The following FOXA1 variants were observed in gnomAD, a reference collection of about 807,000 sequenced individuals.
FOXA1 encodes the protein hepatocyte nuclear factor 3-alpha.
In FOXA1, 9 loss-of-function variants were observed where a neutral mutation model predicts 29.2. That is an observed-to-expected ratio of 0.31 (90% CI 0.19 to 0.54). The LOEUF is 0.54. Among genes scored for constraint, FOXA1 ranks in the 20% least tolerant of loss-of-function variants. FOXA1 has a pLI of 0.95. For synonymous variants in FOXA1, 340 were observed against 300.9 expected, an observed-to-expected ratio of 1.13 and a Z score of -1.34; for missense variants, 644 against 681.2, an observed-to-expected ratio of 0.95 and a Z score of 0.61.
In FOXA1 at chr14:37,594,125, C is replaced by T. The variant is rs1004708458; in HGVS notation, c.72+776G>A. 2.3e-6 allele frequency: 3 copies of T among 1,287,284 alleles called. No individual in the cohort carries two copies. The African/African-American group carries it at 4.6e-5, about 20-fold the overall frequency. The allele number at this position is 1,287,284 out of a possible 1,614,324, so 79.7% of individuals were successfully genotyped here. On this transcript the variant is annotated intron_variant, in intron 1 of 1. Transcript: ENST00000250448. The stretch of plus-strand genomic sequence containing the variant: ...CTTCCCAAGATTATCCAAGGCAGTT[C>T]CAATACGCGTTTTCAATAATGGTAA...
chr14:37,592,850 T>C (rs2139184565), intron 1 of FOXA1, 139 bp from the exon 2 acceptor site: 1 of 998,680 alleles, frequency 1.0e-6, no homozygotes, highest in Non-Finnish European at 1.5e-6. Context: ...CCGGGGCAAA[T>C]GGCTAAGCGC....
intron 1 of FOXA1, 62 bp downstream of exon 1, chr14:37,594,839 G>T: frequency 7.2e-7 from 1 of 1,397,126 alleles, no homozygotes. Context: ...CCGCTCCCCG[G>T]CCTCCCCCGG....
At position 37,591,336 on chromosome 14, in the gene FOXA1, A is replaced by G; in HGVS notation, c.*29T>C. On this transcript the variant is annotated 3_prime_UTR_variant, in exon 2 of 2. Coordinates refer to ENST00000250448, the MANE Select transcript of FOXA1 (RefSeq NM_004496.5). Reference sequence around the variant, plus strand: ...TTTCTCTCTTGCTACCAGCATGGCTATGCCAGACAAACCCCCCAGTCCCGG... The same window carrying G: ...TTTCTCTCTTGCTACCAGCATGGCTGTGCCAGACAAACCCCCCAGTCCCGG... 6.2e-7 allele frequency: 1 copy of G among 1,610,826 alleles called. No homozygotes were observed. Among genetic ancestry groups the G allele is most frequent in the Non-Finnish European group, 8.5e-7 (1 of 1,180,006 alleles).
chr14:37,590,669 AT>A lies in FOXA1; in HGVS notation c.*695del, dbSNP rs1232144415. 8.7e-6 allele frequency: 2 copies of A among 230,238 alleles called. No homozygotes were observed. The highest frequency in any genetic ancestry group is 1.7e-5 in the Non-Finnish European group (2 of 116,492). The allele number at this position is 230,238 out of a possible 1,614,324, so 14.3% of individuals were successfully genotyped here. On this transcript the variant is annotated 3_prime_UTR_variant, in exon 2 of 2. Coordinates refer to ENST00000250448, the MANE Select transcript of FOXA1 (RefSeq NM_004496.5). ...TCTATTACCTCTATATGTTATGTAA[AT>A]ATACGGAGGATGTCTACACATCTGA...
At chr14:37,593,434 TCAC>T (rs2095598246) in intron 1 of FOXA1, among the ~76,000 whole-genome samples, 1 of 152,180 alleles carries the variant, frequency 6.6e-6, no homozygotes, top group African/African-American at 2.4e-5. Flanking sequence ...ATTAATTTTG[TCAC>T]CACTTTACAG....
chr14:37,592,208 C>A lies in FOXA1; in HGVS notation c.576G>T (p.Thr192=), dbSNP rs2095596483. The part of the protein sequence containing the change: ...AIQQAPSKML[T]LSEIYQWIMD... The stretch of plus-strand genomic sequence containing the variant: ...TGATCCACTGGTAGATCTCGCTCAG[C>A]GTGAGCATCTTGCTGGGCGCCTGCT... Residue 192 remains threonine, a synonymous_variant, in exon 2 of 2, where the codon ACG becomes ACT. Coordinates refer to ENST00000250448, the MANE Select transcript of FOXA1 (RefSeq NM_004496.5). 2 of 1,613,532 alleles carry A rather than the reference C, an allele frequency of 1.2e-6. No homozygotes were observed. Among genetic ancestry groups the A allele is most frequent in the Non-Finnish European group, 1.7e-6 (2 of 1,179,764 alleles).
Position 37,590,091 on chromosome 14 carries a change from T to C in FOXA1, c.*1274A>G, listed in dbSNP as rs1441676127. 1.3e-5 allele frequency: 3 copies of C among 231,970 alleles called. No homozygotes were observed. Among genetic ancestry groups the C allele is most frequent in the Non-Finnish European group, 2.6e-5 (3 of 117,350 alleles). The allele number at this position is 231,970 out of a possible 1,614,324, so 14.4% of individuals were successfully genotyped here. The stretch of plus-strand genomic sequence containing the variant: ...TTTGTTATTTAAATCAAAATATTTT[T>C]AATTACAATCACATTGATAAAAATT... On this transcript the variant is annotated 3_prime_UTR_variant, in exon 2 of 2. Transcript: ENST00000250448.
At chr14:37,594,293 A>G (rs2095599514) in intron 1 of FOXA1, 4 of 1,193,290 alleles carry the variant, frequency 3.4e-6, no homozygotes, top group South Asian at 3.2e-5. Context: ...CAAGGGGACA[A>G]TGAAGAGAAA....
Position 37,591,153 on chromosome 14 carries a change from T to C in FOXA1, c.*212A>G, listed in dbSNP as rs1165366532. 2 of 684,664 alleles carry C rather than the reference T, an allele frequency of 2.9e-6. No individual in the cohort carries two copies. The highest frequency in any genetic ancestry group is 5.6e-5 in the East Asian group (2 of 35,754). 42.4% of individuals were successfully genotyped at this position (684,664 alleles called of 1,614,324 possible). On this transcript the variant is annotated 3_prime_UTR_variant, in exon 2 of 2. Coordinates refer to ENST00000250448, the MANE Select transcript of FOXA1 (RefSeq NM_004496.5). ...AAAAAAATTGGTTTGGGGTTGTCTT[T>C]GTAGTAATATACACAATGAATTTTG...
chr14:37,594,478 G>C (rs1238996801), intron 1 of FOXA1: 1 of 622,234 alleles, frequency 1.6e-6, no homozygotes, highest in African/African-American at 2.0e-5. Flanking sequence ...GCTTTAATCA[G>C]AAGACGTCTG....
In FOXA1 at chr14:37,592,859, G is replaced by T. The variant is rs906287611; in HGVS notation, c.73-148C>A. On this transcript the variant is annotated intron_variant, in intron 1 of 1. Coordinates refer to ENST00000250448, the MANE Select transcript of FOXA1 (RefSeq NM_004496.5). ...CCCCACCCGGGGCAAATGGCTAAGC[G>T]CCCTCCCCAGACCGAGCAAAGATGT... is the stretch of plus-strand genomic sequence containing the variant. 4.4e-6 allele frequency: 4 copies of T among 905,782 alleles called. No homozygotes were observed. The African/African-American group carries it at 6.5e-5, about 15-fold the overall frequency. The allele number at this position is 905,782 out of a possible 1,614,324, so 56.1% of individuals were successfully genotyped here. A position where few individuals can be genotyped will look rare whatever the true frequency, so the allele number is the denominator to read the frequency against.
chr14:37,594,710 G>C (rs2095600250), intron 1 of FOXA1, 191 bp downstream of exon 1: 1 of 273,790 alleles, frequency 3.7e-6, no homozygotes, highest in African/African-American at 2.3e-5. Context: ...GGACAGAGCA[G>C]GGCAGCAGGT....
Position 37,591,291 on chromosome 14 carries a change from G to A in FOXA1, c.*74C>T. On this transcript the variant is annotated 3_prime_UTR_variant, in exon 2 of 2. Coordinates refer to ENST00000250448, the MANE Select transcript of FOXA1 (RefSeq NM_004496.5). ...TGCTGTTGACGGTTTGGTTTGTGTG[G>A]TTTTGTTTGCTGTTGATTTTTTCTC... The A allele has an allele frequency of 6.3e-7, 1 of 1,575,188 alleles. No individual in the cohort carries two copies. Among genetic ancestry groups the A allele is most frequent in the Non-Finnish European group, 8.6e-7 (1 of 1,156,348 alleles).
rs1566823014 is a variant in FOXA1, at chr14:37,590,379, A to G, written c.*986T>C. ...TTTGAAATCCAGCTCCCTATAACTT[A>G]TCTCTCCTCCAACATTGTAATATTC... On this transcript the variant is annotated 3_prime_UTR_variant, in exon 2 of 2. Transcript: ENST00000250448. 1 of 230,850 alleles carries G rather than the reference A, an allele frequency of 4.3e-6. No homozygotes were observed. Among genetic ancestry groups the G allele is most frequent in the South Asian group, 1.8e-4 (1 of 5,512 alleles). 14.3% of individuals were successfully genotyped at this position (230,850 alleles called of 1,614,324 possible).
rs767665230 is a variant in FOXA1, at chr14:37,594,993, TA to T, written c.-22del. 10 of 1,529,958 alleles carry T rather than the reference TA, an allele frequency of 6.5e-6. No individual in the cohort carries two copies. The highest frequency in any genetic ancestry group is 8.9e-6 in the Non-Finnish European group (10 of 1,125,864). The allele number at this position is 1,529,958 out of a possible 1,614,324, so 94.8% of individuals were successfully genotyped here. ...AACATCCTGGAGCCACCCTGCCCAATACAACCATCCAGCCCTGTGCGAAGCG... is the reference window on the plus strand; with the variant it reads ...AACATCCTGGAGCCACCCTGCCCAATCAACCATCCAGCCCTGTGCGAAGCG... On this transcript the variant is annotated 5_prime_UTR_variant, in exon 1 of 2. Coordinates refer to ENST00000250448, the MANE Select transcript of FOXA1 (RefSeq NM_004496.5).
chr14:37,592,544 G>C lies in FOXA1; in HGVS notation c.240C>G (p.Gly80=), dbSNP rs1594977757. ...NPGLGAGLSP[G]AVAGMPGGSA... is the part of the protein sequence containing the mutation. ...AGCCCCCCGGCATGCCGGCTACTGCGCCGGGACTCAGGCCGGCCCCTAGGC... is the reference window on the plus strand; with the variant it reads ...AGCCCCCCGGCATGCCGGCTACTGCCCCGGGACTCAGGCCGGCCCCTAGGC... Residue 80 remains glycine (G), a synonymous_variant, in exon 2 of 2, where the codon GGC becomes GGG. Transcript: ENST00000250448. The C allele has an allele frequency of 6.2e-7, 1 of 1,613,800 alleles. No individual in the cohort carries two copies. The highest frequency in any genetic ancestry group is 8.5e-7 in the Non-Finnish European group (1 of 1,179,838).
At chr14:37,594,010 T>C in intron 1 of FOXA1, 1 of 1,126,728 alleles carries the variant, frequency 8.9e-7, no homozygotes, top group Non-Finnish European at 1.1e-6. Flanking sequence ...TCTAAATAAG[T>C]CAGTTACCAT....
chr14:37,590,297 C>A lies in FOXA1; in HGVS notation c.*1068G>T, dbSNP rs1375446511. The A allele has an allele frequency of 1.3e-5, 3 of 232,170 alleles. No individual in the cohort carries two copies. Among genetic ancestry groups the A allele is most frequent in the African/African-American group, 2.2e-5 (1 of 45,372 alleles). The allele number at this position is 232,170 out of a possible 1,614,324, so 14.4% of individuals were successfully genotyped here. A position where few individuals can be genotyped will look rare whatever the true frequency, so the allele number is the denominator to read the frequency against. ...CATAACACTGGATGAAACAAGCACA[C>A]GATGGCAATGATTAAAATGGCCACT... On this transcript the variant is annotated 3_prime_UTR_variant, in exon 2 of 2. Transcript: ENST00000250448.
At position 37,591,600 on chromosome 14, in the gene FOXA1, G is replaced by A; in HGVS notation, c.1184C>T (p.Ser395Phe). Residue 395 changes from serine (S) to phenylalanine (F), a missense_variant, in exon 2 of 2, where the codon TCC becomes TTC. Ser to Phe is a radical substitution (Grantham distance 155). Around this residue, in one of 5 missense-constraint regions of FOXA1, gnomAD observed 295 missense variants for 294.4 expected, o/e 1.00. Coordinates refer to ENST00000250448, the MANE Select transcript of FOXA1 (RefSeq NM_004496.5). ...QLHLKGDPHY[S>F]FNHPFSINNL... ...GTTGATGGAGAACGGGTGGTTGAAG[G>A]AGTAGTGGGGGTCCCCTTTCAGGTG... is the stretch of plus-strand genomic sequence containing the variant. 6.2e-7 allele frequency: 1 copy of A among 1,612,894 alleles called. No individual in the cohort carries two copies. The highest frequency in any genetic ancestry group is 8.5e-7 in the Non-Finnish European group (1 of 1,179,366).
Sources: gnomAD v4.1 joint callset for allele counts (sites outside exome capture counted in the v4.1 genomes callset) on GRCh38, gnomAD v4.1.1 for gene constraint, gnomAD v4.1.1 regional missense constraint, MANE v1.5 for transcripts, NCBI Gene and HGNC (gene_info 2026-07-23, HGNC 2026-07-21) for gene names.